Variants in CCDC7 observed in about 807,000 individuals in gnomAD.
CCDC7 encodes coiled-coil domain-containing protein 7.
Under a neutral mutation model 196.9 loss-of-function variants are expected in CCDC7, and 183 were observed. The ratio of observed to expected loss-of-function variants is 0.93; its 90% CI spans 0.82 to 1.05. CCDC7 has a LOEUF of 1.05. CCDC7 is among the 50% of genes least tolerant of loss of function. CCDC7 has a pLI of 0.00. For missense variants in CCDC7, 1,540 were observed against 1,482.2 expected (o/e 1.04, Z -0.64); for synonymous variants, 525 against 484.6 (o/e 1.08, Z -1.10).
At chr10:32,720,186 T>C (rs529027648) in intron 25 of CCDC7, among the ~76,000 whole-genome samples, 1 of 152,166 alleles carries the variant, frequency 6.6e-6, no homozygotes, top group African/African-American at 2.4e-5. Context: ...ACATGGCACA[T>C]ATACACCATG....
At chr10:32,532,880 G>A (rs914646501) in intron 11 of CCDC7, among the ~76,000 whole-genome samples, 1 of 151,970 alleles carries the variant, frequency 6.6e-6, no homozygotes, top group Non-Finnish European at 1.5e-5. Flanking sequence ...CTTGGGAGCA[G>A]CGTATCATTG....
intron 21 of CCDC7, among the ~76,000 whole-genome samples, chr10:32,665,111 A>T (rs987806245): frequency 2.0e-5 from 3 of 152,028 alleles, no homozygotes; most frequent in Non-Finnish European, 4.4e-5. Context: ...GCATGTCTTC[A>T]TTAGAGAAAT....
At chr10:32,705,485 A>C (rs2079560333) in intron 24 of CCDC7, among the ~76,000 whole-genome samples, 1 of 152,168 alleles carries the variant, frequency 6.6e-6, no homozygotes, top group Non-Finnish European at 1.5e-5. Flanking sequence ...ACTTAAATGT[A>C]AATGGGCTAA....
intron 28 of CCDC7, among the ~76,000 whole-genome samples, chr10:32,757,318 C>A (rs1434400843): frequency 1.3e-5 from 2 of 151,850 alleles, no homozygotes; most frequent in African/African-American, 2.4e-5. Flanking sequence ...AGCAGCACAT[C>A]ACACTTATTC....
intron 3 of CCDC7, among the ~76,000 whole-genome samples, chr10:32,458,999 C>G (rs1235847007): frequency 1.3e-5 from 2 of 151,810 alleles, no homozygotes; most frequent in Non-Finnish European, 2.9e-5. Flanking sequence ...TTGTAGAGAC[C>G]TTTCACCTCC....
intron 18 of CCDC7, among the ~76,000 whole-genome samples, chr10:32,595,043 T>C (rs966142699): frequency 3.3e-5 from 5 of 152,208 alleles, no homozygotes; most frequent in Non-Finnish European, 1.5e-5. Context: ...GGCTTTGGTA[T>C]CAGGATGATG....
intron 13 of CCDC7, among the ~76,000 whole-genome samples, chr10:32,554,147 G>A (rs921059692): frequency 6.6e-6 from 1 of 152,204 alleles, no homozygotes; most frequent in African/African-American, 2.4e-5. Context: ...CCAAAATGAA[G>A]GGCCCGTGTT....
At chr10:32,784,861 G>A (rs1240677119) in intron 29 of CCDC7, among the ~76,000 whole-genome samples, 6 of 151,988 alleles carry the variant, frequency 3.9e-5, no homozygotes, top group African/African-American at 1.2e-4. Flanking sequence ...ATTTAGCTGG[G>A]CTTGGTGGCA....
intron 24 of CCDC7, among the ~76,000 whole-genome samples, chr10:32,700,390 C>T (rs2078485031): frequency 1.3e-5 from 2 of 149,092 alleles, no homozygotes; most frequent in Non-Finnish European, 2.9e-5. Context: ...TTTCTGAGGG[C>T]TCTATTGTGT....
chr10:32,637,589 A>G (rs185224556), intron 20 of CCDC7, among the ~76,000 whole-genome samples: 8,149 of 152,090 alleles, frequency 0.054, 727 homozygotes, highest in African/African-American at 0.19. Flanking sequence ...ATTGGTCTAT[A>G]GCTCTGTTTT....
At chr10:32,824,300 C>T (rs950119463) in intron 31 of CCDC7, among the ~76,000 whole-genome samples, 2 of 152,038 alleles carry the variant, frequency 1.3e-5, no homozygotes, top group African/African-American at 4.8e-5. Context: ...TTGGTCAAAT[C>T]ACTAAATATA....
chr10:32,874,424 T>C lies in CCDC7; in HGVS notation c.4112-1923T>C, dbSNP rs867109320. Among the ~76,000 whole-genome samples, 85 of 151,604 alleles carry C rather than the reference T, an allele frequency of 5.6e-4. No individual in the cohort carries two copies. In the Middle Eastern group the frequency reaches 0.014, roughly 24 times the overall value. ...TACCCAATAGGTAGTTTTTCATCCC[T>C]CACCCACCTGTCATCCTCTCCCCTT... On this transcript the variant is annotated intron_variant, in intron 41 of 41. Transcript: ENST00000639629.
At chr10:32,860,352 A>G (rs2093933482) in intron 41 of CCDC7, among the ~76,000 whole-genome samples, 1 of 152,256 alleles carries the variant, frequency 6.6e-6, no homozygotes, top group African/African-American at 2.4e-5. Flanking sequence ...GGCCTTTGAC[A>G]AAATTTAACA....
intron 24 of CCDC7, among the ~76,000 whole-genome samples, chr10:32,697,553 C>T (rs1015487844): frequency 6.6e-6 from 1 of 151,482 alleles, no homozygotes; most frequent in Non-Finnish European, 1.5e-5. Context: ...GTCCCACACC[C>T]ATGGAGCCTT....
Position 32,797,514 on chromosome 10 carries a change from C to G in CCDC7, c.3014-7501C>G, listed in dbSNP as rs368577342. On this transcript the variant is annotated intron_variant, in intron 29 of 41. Coordinates refer to ENST00000639629, the Ensembl canonical transcript of CCDC7. ...ACAATGGACTTTGGGGACTCAAAAG[C>G]AAAGGGTAGGGAGGGAGTAAGGGAT... Among the ~76,000 whole-genome samples the G allele has an allele frequency of 1.8e-4, 28 of 151,866 alleles. No homozygotes were observed. In the East Asian group the frequency reaches 4.3e-3, roughly 23 times the overall value.
At chr10:32,669,816 TG>T (rs2073691919) in intron 21 of CCDC7, among the ~76,000 whole-genome samples, 1 of 152,206 alleles carries the variant, frequency 6.6e-6, no homozygotes, top group Admixed American at 6.6e-5. Context: ...TTGTTGTTGT[TG>T]TTGTCCATAA....
chr10:32,670,960 A>G (rs1014537081), intron 21 of CCDC7, among the ~76,000 whole-genome samples: 9 of 152,158 alleles, frequency 5.9e-5, no homozygotes, highest in South Asian at 4.1e-4. Flanking sequence ...AAATGGTACA[A>G]TTGTACAGTG....
intron 5 of CCDC7, among the ~76,000 whole-genome samples, chr10:32,467,416 C>T (rs774035399): frequency 6.8e-6 from 1 of 147,666 alleles, no homozygotes; most frequent in Non-Finnish European, 1.5e-5. Context: ...CCGGCCTTGT[C>T]CACTGTTTAA....
intron 18 of CCDC7, among the ~76,000 whole-genome samples, chr10:32,596,950 T>G (rs982383752): frequency 7.2e-5 from 11 of 152,190 alleles, no homozygotes; most frequent in East Asian, 1.9e-4. Flanking sequence ...TGGCTGCCCT[T>G]AACATTTTTT....
Sources: gnomAD v4.1 joint callset for allele counts (sites outside exome capture counted in the v4.1 genomes callset) on GRCh38, gnomAD v4.1.1 for gene constraint, MANE v1.5 for transcripts, NCBI Gene and HGNC (gene_info 2026-07-23, HGNC 2026-07-21) for gene names.